Variants in TPO observed in about 807,000 individuals in gnomAD.
The protein encoded by TPO is thyroid microsomal antigen.
Under a neutral mutation model 96.9 loss-of-function variants are expected in TPO, and 78 were observed. The observed-to-expected ratio is 0.81, with a 90% CI of 0.67 to 0.97. The LOEUF (loss-of-function observed/expected upper bound fraction) is 0.97. TPO is among the 50% of genes least tolerant of loss of function. The pLI is 0.00. For synonymous variants in TPO, 547 were observed against 538.0 expected, an observed-to-expected ratio of 1.02 and a Z score of -0.23; for missense variants, 1,252 against 1,274.8, an observed-to-expected ratio of 0.98 and a Z score of 0.27.
Position 1,496,186 on chromosome 2 carries a change from C to T in TPO, c.2204C>T (p.Thr735Ile), listed in dbSNP as rs200601944. 6.2e-7 allele frequency: 1 copy of T among 1,613,906 alleles called. No homozygotes were observed. The highest frequency in any genetic ancestry group is 1.7e-5 in the Admixed American group (1 of 60,006). The change falls in exon 12 of 17, where the codon ACC (threonine) becomes ATC (isoleucine). Residue 735 changes from threonine (T) to isoleucine (I), a missense_variant. Thr to Ile is a moderately conservative substitution (Grantham distance 89). Coordinates refer to ENST00000329066, the MANE Select transcript of TPO (RefSeq NM_001206744.2). Reference protein sequence around the residue: ...TGMNLEAWRETFPQDDKCGFP... With the variant: ...TGMNLEAWREIFPQDDKCGFP... Reference sequence around the variant, plus strand: ...ATGAACCTGGAGGCCTGGAGGGAAACCTTTCCTCAAGGTGAAGTTCGGTCT... The same window carrying T: ...ATGAACCTGGAGGCCTGGAGGGAAATCTTTCCTCAAGGTGAAGTTCGGTCT...
At chr2:1,422,756 G>A (rs1239403382) in intron 2 of TPO, among the ~76,000 whole-genome samples, 2 of 152,204 alleles carry the variant, frequency 1.3e-5, no homozygotes, top group Admixed American at 1.3e-4. Context: ...TGAATGTTCA[G>A]AACAAAAGTT....
rs561018780 is a variant in TPO at position 1,453,033 on chromosome 2, T to G, written c.483-661T>G. ...TTATGGGAAACTTCACCATCTAGCCTATTGGCTGAAGCCATTGTCATCGCC... is the reference window on the plus strand; with the variant it reads ...TTATGGGAAACTTCACCATCTAGCCGATTGGCTGAAGCCATTGTCATCGCC... On this transcript the variant is annotated intron_variant, in intron 5 of 16. Coordinates refer to ENST00000329066, the MANE Select transcript of TPO (RefSeq NM_001206744.2). Among the ~76,000 whole-genome samples the G allele has an allele frequency of 7.2e-5, 11 of 152,374 alleles. No individual in the cohort carries two copies. In the South Asian group the frequency reaches 2.3e-3, roughly 32 times the overall value.
intron 13 of TPO, among the ~76,000 whole-genome samples, chr2:1,499,949 G>T (rs1173054688): frequency 1.3e-5 from 2 of 152,228 alleles, no homozygotes; most frequent in Non-Finnish European, 1.5e-5. Context: ...CGGGGTGCAG[G>T]CCTGTTGATA....
At chr2:1,383,816 G>A (rs1661847384) in intron 1 of TPO, among the ~76,000 whole-genome samples, 1 of 152,190 alleles carries the variant, frequency 6.6e-6, no homozygotes, top group Admixed American at 6.5e-5. Flanking sequence ...GTCCTGAATG[G>A]TATTGCCTAG....
chr2:1,489,444 C>A (rs1558352055), intron 10 of TPO, among the ~76,000 whole-genome samples: 1 of 152,180 alleles, frequency 6.6e-6, no homozygotes, highest in Non-Finnish European at 1.5e-5. Context: ...AGTGGGGGAC[C>A]CCCTCCCGGC....
At chr2:1,523,702 C>T (rs1276015589) in intron 15 of TPO, among the ~76,000 whole-genome samples, 1 of 132,780 alleles carries the variant, frequency 7.5e-6, no homozygotes, top group Admixed American at 7.8e-5. Context: ...CCCCAAATCC[C>T]CCCCACTGTG....
chr2:1,507,205 A>G (rs1477534647), intron 14 of TPO, among the ~76,000 whole-genome samples: 1 of 152,096 alleles, frequency 6.6e-6, no homozygotes, highest in African/African-American at 2.4e-5. Context: ...GATATGTGGC[A>G]TTATTACTGA....
chr2:1,438,855 C>G, intron 5 of TPO: 1 of 716,416 alleles, frequency 1.4e-6, no homozygotes. Flanking sequence ...AAACTGCCAA[C>G]TAACCTGTTT....
At chr2:1,510,009 CCT>C (rs1673930658) in intron 14 of TPO, among the ~76,000 whole-genome samples, 1 of 152,042 alleles carries the variant, frequency 6.6e-6, no homozygotes, top group Non-Finnish European at 1.5e-5. Flanking sequence ...TTTCAGGTGT[CCT>C]CTCTCTGCAC....
At chr2:1,459,991 A>T (rs531149523) in intron 7 of TPO, among the ~76,000 whole-genome samples, 1 of 148,186 alleles carries the variant, frequency 6.7e-6, no homozygotes, top group African/African-American at 2.5e-5. Context: ...GCTGGAGTGT[A>T]GTGGCGCAAT....
At position 1,516,884 on chromosome 2, in the gene TPO, C is replaced by T; in HGVS notation, c.2520C>T (p.Asp840=). ...ELGDDGRTCV[D]SGRLPRVTWI... The stretch of plus-strand genomic sequence containing the variant: ...ACCAGGCCTCTTTCTGTGCCCCAGA[C>T]TCCGGGAGGCTCCCTCGGGTGACTT... Residue 840 remains aspartate, a splice_region_variant and synonymous_variant, in exon 15 of 17, where the codon GAC becomes GAT. Coordinates refer to ENST00000329066, the MANE Select transcript of TPO (RefSeq NM_001206744.2). The T allele has an allele frequency of 6.2e-7, 1 of 1,613,942 alleles. No homozygotes were observed. The highest frequency in any genetic ancestry group is 8.5e-7 in the Non-Finnish European group (1 of 1,180,026).
intron 14 of TPO, among the ~76,000 whole-genome samples, chr2:1,511,074 C>G (rs1674056282): frequency 6.6e-6 from 1 of 152,210 alleles, no homozygotes; most frequent in Non-Finnish European, 1.5e-5. Context: ...GATTCAGGCG[C>G]TGATATAATT....
chr2:1,531,223 C>T (rs1678131276), intron 15 of TPO, among the ~76,000 whole-genome samples: 1 of 128,200 alleles, frequency 7.8e-6, no homozygotes, highest in South Asian at 2.6e-4. Context: ...CCCCAAATCG[C>T]CCCCACTGTG....
chr2:1,470,857 C>T (rs1461395899), intron 7 of TPO, among the ~76,000 whole-genome samples: 5 of 152,144 alleles, frequency 3.3e-5, no homozygotes, highest in African/African-American at 4.8e-5. Flanking sequence ...TTCCCAGCAT[C>T]GGCAGAGGAG....
chr2:1,503,820 G>T, intron 13 of TPO, 128 bp from the exon 14 acceptor site: 1 of 1,564,866 alleles, frequency 6.4e-7, no homozygotes, highest in South Asian at 1.1e-5. Flanking sequence ...GTTCCCCCTA[G>T]ACCAGGTGGG....
intron 16 of TPO, chr2:1,541,107 G>A: frequency 8.4e-7 from 1 of 1,195,414 alleles, no homozygotes; most frequent in Non-Finnish European, 1.1e-6. Context: ...GGAAAAATGT[G>A]TATGTTTATG....
chr2:1,406,159 G>C (rs887972358), intron 1 of TPO, among the ~76,000 whole-genome samples: 1 of 152,188 alleles, frequency 6.6e-6, no homozygotes, highest in East Asian at 1.9e-4. Flanking sequence ...GAGCTGTTTA[G>C]TGATATTCAC....
At chr2:1,384,915 G>T (rs1345926166) in intron 1 of TPO, among the ~76,000 whole-genome samples, 1 of 152,138 alleles carries the variant, frequency 6.6e-6, no homozygotes, top group African/African-American at 2.4e-5. Flanking sequence ...AGAGTTTTTA[G>T]CATGAAAGGC....
At chr2:1,453,921 G>A in intron 6 of TPO, 98 bp downstream of exon 6, 2 of 1,549,140 alleles carry the variant, frequency 1.3e-6, no homozygotes, top group Non-Finnish European at 1.8e-6. Context: ...CGTGCTGGGT[G>A]CTGCGTGCAA....
Sources: allele counts gnomAD v4.1 joint callset (sites outside exome capture counted in the v4.1 genomes callset), GRCh38; gene constraint gnomAD v4.1.1; transcripts MANE v1.5; gene names NCBI Gene and HGNC (gene_info 2026-07-23, HGNC 2026-07-21).